Variants in PPP3CA observed in about 807,000 individuals in gnomAD.
PPP3CA encodes CAM-PRP catalytic subunit.
PPP3CA carries 14 observed loss-of-function variants against 66.5 expected under a neutral mutation model. That is an observed-to-expected ratio of 0.21 (90% CI 0.14 to 0.33). PPP3CA has a LOEUF of 0.33. Ranked by LOEUF, PPP3CA falls within the 10% of genes least tolerant of loss-of-function variation. The pLI is 1.00. For missense variants in PPP3CA, 317 were observed against 639.5 expected, an observed-to-expected ratio of 0.50 and a Z score of 5.44; for synonymous variants, 232 against 226.2, an observed-to-expected ratio of 1.03 and a Z score of -0.23.
At chr4:101,288,444 C>T (rs534241402) in intron 1 of PPP3CA, among the ~76,000 whole-genome samples, 3 of 151,646 alleles carry the variant, frequency 2.0e-5, no homozygotes, top group African/African-American at 7.3e-5. Context: ...ATTAATTACT[C>T]TCAAGTTATC....
intron 1 of PPP3CA, among the ~76,000 whole-genome samples, chr4:101,246,546 T>A (rs1726484706): frequency 6.6e-6 from 1 of 152,198 alleles, no homozygotes; most frequent in East Asian, 1.9e-4. Flanking sequence ...AATGAAATCT[T>A]AATTAGAAAC....
rs1024919725 is a variant in PPP3CA, at chr4:101,218,144, A to G, written c.59-22028T>C. Among the ~76,000 whole-genome samples, 5 of 152,074 alleles carry G rather than the reference A, an allele frequency of 3.3e-5. 1 individual carries two copies. ...AGAATAAACAGAGAAAAGAGGAGAA[A>G]CTGTCAAAGAATGAGTGTGAAGGGA... On this transcript the variant is annotated intron_variant, in intron 1 of 13. Coordinates refer to ENST00000394854, the MANE Select transcript of PPP3CA (RefSeq NM_000944.5).
chr4:101,111,831 G>A (rs1037852007), intron 2 of PPP3CA, among the ~76,000 whole-genome samples: 1 of 152,140 alleles, frequency 6.6e-6, no homozygotes, highest in Non-Finnish European at 1.5e-5. Flanking sequence ...AGTCTAATAA[G>A]AATTTAACAG....
intron 1 of PPP3CA, among the ~76,000 whole-genome samples, chr4:101,324,154 G>GAAGGAAGGGAAGGAAGGGAGGAAGGA (rs1729131283): frequency 4.5e-5 from 3 of 66,414 alleles, no homozygotes; most frequent in African/African-American, 1.5e-4. Context: ...GGAAGGGAGG[G>GAAGGAAGGGAAGGAAGGGAGGAAGGA]AGGAAGGAAG....
chr4:101,245,346 A>G (rs1301430954), intron 1 of PPP3CA, among the ~76,000 whole-genome samples: 1 of 152,220 alleles, frequency 6.6e-6, no homozygotes, highest in Non-Finnish European at 1.5e-5. Context: ...CAGAGCATCA[A>G]GGGCTTATTT....
At chr4:101,118,944 CAG>C (rs1369366938) in intron 2 of PPP3CA, among the ~76,000 whole-genome samples, 3 of 146,740 alleles carry the variant, frequency 2.0e-5, no homozygotes, top group Non-Finnish European at 4.5e-5. Context: ...TAAGGAGACT[CAG>C]AACTTACAGA....
intron 8 of PPP3CA, among the ~76,000 whole-genome samples, chr4:101,070,114 T>G (rs1376651409): frequency 6.6e-6 from 1 of 152,118 alleles, no homozygotes; most frequent in Non-Finnish European, 1.5e-5. Flanking sequence ...TATTCATATA[T>G]AGAATTTTGG....
chr4:101,326,496 G>A (rs1425733520), intron 1 of PPP3CA, among the ~76,000 whole-genome samples: 3 of 152,148 alleles, frequency 2.0e-5, no homozygotes, highest in Admixed American at 6.5e-5. Context: ...GAAGCAAAAA[G>A]AATGGTAATG....
intron 2 of PPP3CA, among the ~76,000 whole-genome samples, chr4:101,140,945 C>T (rs1722789201): frequency 6.6e-6 from 1 of 152,174 alleles, no homozygotes; most frequent in East Asian, 1.9e-4. Context: ...AGATACTTTT[C>T]ACTAGTAGTA....
chr4:101,037,941 G>T (rs1727324874), intron 11 of PPP3CA, among the ~76,000 whole-genome samples: 1 of 152,156 alleles, frequency 6.6e-6, no homozygotes, highest in Non-Finnish European at 1.5e-5. Context: ...AGACTACATA[G>T]CACAGTTTTG....
intron 2 of PPP3CA, among the ~76,000 whole-genome samples, chr4:101,124,659 GAGACAGAAAGAAAGAA>G (rs1182990688): frequency 4.6e-5 from 5 of 109,622 alleles, no homozygotes; most frequent in Admixed American, 1.1e-4. Flanking sequence ...GAGGGAGAGA[GAGACAGAAAGAAAGAA>G]AGAAAGAAAG....
intron 2 of PPP3CA, among the ~76,000 whole-genome samples, chr4:101,122,980 T>A (rs1722077842): frequency 6.6e-6 from 1 of 152,170 alleles, no homozygotes; most frequent in Non-Finnish European, 1.5e-5. Context: ...AACAGAACAT[T>A]CTTTGACTTC....
intron 1 of PPP3CA, among the ~76,000 whole-genome samples, chr4:101,337,700 A>C (rs868153416): frequency 4.3e-4 from 66 of 152,340 alleles, no homozygotes; most frequent in African/African-American, 1.6e-3. Context: ...ACAAAAATAA[A>C]ATGGAGCTTG....
intron 1 of PPP3CA, among the ~76,000 whole-genome samples, chr4:101,240,208 T>G (rs1726262525): frequency 2.0e-5 from 3 of 152,136 alleles, no homozygotes; most frequent in South Asian, 2.1e-4. Context: ...CAGTTAAGAT[T>G]GTGAGTTCTC....
At chr4:101,090,830 A>C in intron 6 of PPP3CA, among the ~76,000 whole-genome samples, 1 of 150,410 alleles carries the variant, frequency 6.6e-6, no homozygotes, top group East Asian at 1.9e-4. Context: ...GCCGTAATAT[A>C]TAGACATATC....
rs190073848 is a variant in PPP3CA, at chr4:101,312,113, C to A, written c.58+34626G>T. On this transcript the variant is annotated intron_variant, in intron 1 of 13. Transcript: ENST00000394854. ...TTTAATTATAAGCAGTTGAAAAAGA[C>A]AATCAGGAGTCAATAAATATAAAGA... is the stretch of plus-strand genomic sequence containing the variant. Among the ~76,000 whole-genome samples, 82 of 152,126 alleles carry A rather than the reference C, an allele frequency of 5.4e-4. 1 individual carries two copies. The highest frequency in any genetic ancestry group is 1.8e-3 in the African/African-American group (76 of 41,516).
intron 2 of PPP3CA, among the ~76,000 whole-genome samples, chr4:101,125,481 A>C (rs1722217329): frequency 6.6e-6 from 1 of 152,082 alleles, no homozygotes; most frequent in African/African-American, 2.4e-5. Flanking sequence ...TCATGAGTCA[A>C]TCACTGCATC....
At chr4:101,056,221 A>G (rs912802295) in intron 10 of PPP3CA, among the ~76,000 whole-genome samples, 1 of 152,200 alleles carries the variant, frequency 6.6e-6, no homozygotes, top group African/African-American at 2.4e-5. Flanking sequence ...CTATATCAAT[A>G]GGCTGTTTTG....
intron 2 of PPP3CA, among the ~76,000 whole-genome samples, chr4:101,167,955 G>C (rs1272517753): frequency 6.6e-6 from 1 of 152,172 alleles, no homozygotes; most frequent in Non-Finnish European, 1.5e-5. Context: ...TTATCCTCTT[G>C]ACCTCTCTAG....
Sources: allele counts gnomAD v4.1 joint callset (sites outside exome capture counted in the v4.1 genomes callset), GRCh38; gene constraint gnomAD v4.1.1; transcripts MANE v1.5; gene names NCBI Gene and HGNC (gene_info 2026-07-23, HGNC 2026-07-21).